RBFOX1: variants seen among roughly 807,000 people sequenced by gnomAD.
The protein encoded by RBFOX1 is RNA binding protein fox-1 homolog 1.
A neutral mutation model predicts 57.7 loss-of-function variants in RBFOX1; 8 were observed. The ratio of observed to expected loss-of-function variants is 0.14; its 90% confidence interval spans 0.08 to 0.25. The LOEUF (loss-of-function observed/expected upper bound fraction) is 0.25. RBFOX1 is among the 10% of genes least tolerant of loss of function. The pLI, the probability that RBFOX1 is intolerant of heterozygous loss-of-function variation, is 1.00. For missense variants in RBFOX1, 611 were observed against 548.5 expected (o/e 1.11, Z -1.14); for synonymous variants, 326 against 222.4 (o/e 1.47, Z -4.15).
chr16:7,356,849 C>G (rs1336167727), intron 4 of RBFOX1, among the ~76,000 whole-genome samples: 2 of 152,188 alleles, frequency 1.3e-5, no homozygotes, highest in African/African-American at 2.4e-5. Context: ...TATGCGTAGT[C>G]TTTCGTCTTC....
intron 3 of RBFOX1, among the ~76,000 whole-genome samples, chr16:6,754,393 G>A (rs1050575723): frequency 1.1e-4 from 16 of 152,180 alleles, no homozygotes; most frequent in African/African-American, 3.6e-4. Flanking sequence ...TAAAAGCAAA[G>A]TCATCTTGGG....
intron 4 of RBFOX1, among the ~76,000 whole-genome samples, chr16:7,470,547 G>A (rs2061374529): frequency 6.6e-6 from 1 of 151,970 alleles, no homozygotes; most frequent in Admixed American, 6.6e-5. Flanking sequence ...GTGGGTGGAT[G>A]GGTGAGTGGT....
chr16:6,420,122 C>T (rs1250621112), intron 2 of RBFOX1, among the ~76,000 whole-genome samples: 1 of 152,182 alleles, frequency 6.6e-6, no homozygotes, highest in Non-Finnish European at 1.5e-5. Flanking sequence ...CATAAAGCCT[C>T]AGTGTCCTTT....
At chr16:5,489,702 A>T in intron 2 of RBFOX1, among the ~76,000 whole-genome samples, 1 of 151,974 alleles carries the variant, frequency 6.6e-6, no homozygotes, top group Admixed American at 6.6e-5. Flanking sequence ...TGACGTGATG[A>T]CCTCTCTCGG....
chr16:6,665,561 A>T (rs1055036827), intron 3 of RBFOX1, among the ~76,000 whole-genome samples: 1 of 151,148 alleles, frequency 6.6e-6, no homozygotes, highest in African/African-American at 2.4e-5. Flanking sequence ...GGAGGCGGTG[A>T]TTGCAGTGAG....
At chr16:7,618,362 G>T (rs768733864) in intron 10 of RBFOX1, among the ~76,000 whole-genome samples, 2 of 152,098 alleles carry the variant, frequency 1.3e-5, no homozygotes, top group African/African-American at 2.4e-5. Context: ...AAGCCCTGTG[G>T]TGCTGGGAGA....
chr16:7,557,786 G>A lies in RBFOX1; in HGVS notation c.271-21991G>A, dbSNP rs926591346. 2.6e-5 allele frequency among the ~76,000 whole-genome samples: 4 copies of A among 152,042 alleles called. No individual in the cohort carries two copies. The East Asian group carries it at 7.7e-4, about 29-fold the overall frequency. On this transcript the variant is annotated intron_variant, in intron 5 of 15. Transcript: ENST00000550418. Reference sequence around the variant, plus strand: ...GTAAATGCTTAACAACTAGCTTGGTGGGGGAAGGAGCGGGAGAGGGCTCCA... The same window carrying A: ...GTAAATGCTTAACAACTAGCTTGGTAGGGGAAGGAGCGGGAGAGGGCTCCA...
chr16:6,540,294 A>C (rs1008920364), intron 2 of RBFOX1, among the ~76,000 whole-genome samples: 32 of 138,036 alleles, frequency 2.3e-4, no homozygotes, highest in African/African-American at 8.0e-4. Context: ...TAGCCATCAT[A>C]TAAGCTGGCT....
chr16:7,624,359 ATTATAC>A (rs1437385345), intron 10 of RBFOX1, among the ~76,000 whole-genome samples: 2 of 152,218 alleles, frequency 1.3e-5, no homozygotes, highest in Non-Finnish European at 1.5e-5. Flanking sequence ...TTCTCGAATA[ATTATAC>A]TTATCTTAGT....
At chr16:6,050,274 T>G (rs1200177863) in intron 1 of RBFOX1, among the ~76,000 whole-genome samples, 1 of 152,188 alleles carries the variant, frequency 6.6e-6, no homozygotes, top group East Asian at 1.9e-4. Flanking sequence ...TTAAGCATCT[T>G]TTAATCAGTC....
intron 3 of RBFOX1, among the ~76,000 whole-genome samples, chr16:5,788,734 C>G (rs1014675498): frequency 6.6e-6 from 1 of 152,122 alleles, no homozygotes; most frequent in Non-Finnish European, 1.5e-5. Flanking sequence ...CACACACATA[C>G]ACATACACAT....
intron 3 of RBFOX1, among the ~76,000 whole-genome samples, chr16:5,617,630 C>G (rs138769234): frequency 6.6e-6 from 1 of 152,320 alleles, no homozygotes; most frequent in African/African-American, 2.4e-5. Flanking sequence ...ATCAAGCTGT[C>G]TTTATTCTCA....
chr16:6,052,447 T>C (rs2095561986), intron 1 of RBFOX1, among the ~76,000 whole-genome samples: 1 of 152,192 alleles, frequency 6.6e-6, no homozygotes, highest in African/African-American at 2.4e-5. Context: ...AGTCAACCTC[T>C]ATACGCCTTG....
At chr16:6,489,349 T>C (rs1016673821) in intron 2 of RBFOX1, among the ~76,000 whole-genome samples, 3 of 152,208 alleles carry the variant, frequency 2.0e-5, no homozygotes, top group Non-Finnish European at 4.4e-5. Context: ...TATAATATTT[T>C]ATATTTGCCG....
At chr16:7,682,787 C>G (rs1020589356) in intron 14 of RBFOX1, among the ~76,000 whole-genome samples, 6 of 150,492 alleles carry the variant, frequency 4.0e-5, no homozygotes, top group Non-Finnish European at 8.9e-5. Flanking sequence ...TAAACACACA[C>G]TTTTTCTTGT....
rs142995828 is a variant in RBFOX1, at chr16:6,657,745, G to A, written c.-16+3095G>A. Among the ~76,000 whole-genome samples the A allele has an allele frequency of 3.7e-3, 556 of 152,232 alleles. 6 individuals carry two copies. The highest frequency in any genetic ancestry group is 0.013 in the African/African-American group (524 of 41,546). On this transcript the variant is annotated intron_variant, in intron 3 of 15. Coordinates refer to ENST00000550418, the MANE Select transcript of RBFOX1 (RefSeq NM_018723.4). ...TAATAAGTAAACCTGTCTCTGAAGC[G>A]GCAGCCTCTTGGCCTATGTGGATTT... is the stretch of plus-strand genomic sequence containing the variant.
intron 1 of RBFOX1, among the ~76,000 whole-genome samples, chr16:6,193,822 G>A (rs1323466148): frequency 2.6e-5 from 4 of 152,090 alleles, no homozygotes; most frequent in Middle Eastern, 3.4e-3. Context: ...TGAAAGCTCT[G>A]TTCTTCCTTC....
At chr16:6,592,616 C>A (rs1343489383) in intron 2 of RBFOX1, among the ~76,000 whole-genome samples, 1 of 152,142 alleles carries the variant, frequency 6.6e-6, no homozygotes, top group African/African-American at 2.4e-5. Context: ...AAGAGATATA[C>A]ATATGGGGAA....
rs56693228 is a variant in RBFOX1 at position 7,672,865 on chromosome 16, C to CAAAAAAAAAAAAAAA, written c.931-3900_931-3886dup. Among the ~76,000 whole-genome samples the CAAAAAAAAAAAAAAA allele has an allele frequency of 9.1e-3, 388 of 42,870 alleles. 73 individuals carry two copies. The highest frequency in any genetic ancestry group is 0.014 in the African/African-American group (106 of 7,314). The allele number at this position is 42,870 out of a possible 152,430, so 28.1% of individuals were successfully genotyped here. On this transcript the variant is annotated intron_variant, in intron 13 of 15. Transcript: ENST00000550418. ...CTGGGTGACAGAGAAGACTCCATCT[C>CAAAAAAAAAAAAAAA]AAAAAAAAAAAAAAAAAAAAAAAGA...
Sources: gnomAD v4.1 joint callset for allele counts (sites outside exome capture counted in the v4.1 genomes callset) on GRCh38, gnomAD v4.1.1 for gene constraint, MANE v1.5 for transcripts, NCBI Gene and HGNC (gene_info 2026-07-23, HGNC 2026-07-21) for gene names.